Variants in ACSS3 observed in about 807,000 individuals in gnomAD.
The protein encoded by ACSS3 is acyl-CoA synthetase short-chain family member 3, mitochondrial.
ACSS3 carries 64 observed loss-of-function variants against 84.2 expected under a neutral mutation model. The ratio of observed to expected loss-of-function variants is 0.76; its 90% confidence interval spans 0.62 to 0.94. ACSS3 has a LOEUF of 0.94. ACSS3 is among the 40% of genes least tolerant of loss of function. The pLI, the probability that ACSS3 is intolerant of heterozygous loss-of-function variation, is 0.00. For synonymous variants in ACSS3, 317 were observed against 310.1 expected (o/e 1.02, Z -0.23); for missense variants, 815 against 867.6 (o/e 0.94, Z 0.76).
At chr12:81,213,793 T>TTTCTTTTCTCTTCTCTTCTC (rs2032734620) in intron 9 of ACSS3, among the ~76,000 whole-genome samples, 1 of 30,860 alleles carries the variant, frequency 3.2e-5, no homozygotes, top group Non-Finnish European at 6.9e-5. Flanking sequence ...TCTCTTCTCT[T>TTTCTTTTCTCTTCTCTTCTC]TTCTCTTCTC....
chr12:81,109,061 A>T (rs1341513966), intron 1 of ACSS3, among the ~76,000 whole-genome samples: 1 of 152,206 alleles, frequency 6.6e-6, no homozygotes, highest in Non-Finnish European at 1.5e-5. Flanking sequence ...ATTCTTTGTG[A>T]AATTGTAGGC....
intron 1 of ACSS3, among the ~76,000 whole-genome samples, chr12:81,098,358 GT>G (rs1196822710): frequency 6.6e-6 from 1 of 152,068 alleles, no homozygotes; most frequent in African/African-American, 2.4e-5. Flanking sequence ...ATTTATTTCA[GT>G]GTTTACTATT....
At chr12:81,212,716 C>T (rs1032619615) in intron 9 of ACSS3, among the ~76,000 whole-genome samples, 2 of 152,116 alleles carry the variant, frequency 1.3e-5, no homozygotes, top group African/African-American at 4.8e-5. Flanking sequence ...ATCTAGTTGT[C>T]TTCCCTGTTT....
At position 81,159,435 on chromosome 12, in the gene ACSS3, G is replaced by A. The variant is rs116929146; in HGVS notation, c.1098+7339G>A. On this transcript the variant is annotated intron_variant, in intron 7 of 15. Coordinates refer to ENST00000548058, the MANE Select transcript of ACSS3 (RefSeq NM_024560.4). The stretch of plus-strand genomic sequence containing the variant: ...GAGATTTACTTTTATCAATGGAATT[G>A]GACATATTTAAATACAAAACACCTG... Among the ~76,000 whole-genome samples the A allele has an allele frequency of 1.4e-3, 217 of 152,218 alleles. 4 individuals are homozygous for A. In the East Asian group the frequency reaches 0.032, roughly 23 times the overall value.
At chr12:81,190,238 A>T (rs990351601) in intron 8 of ACSS3, among the ~76,000 whole-genome samples, 2 of 152,142 alleles carry the variant, frequency 1.3e-5, no homozygotes, top group African/African-American at 4.8e-5. Context: ...CATTGAGTTT[A>T]CAGATTGATA....
chr12:81,184,473 A>T (rs1038513148), intron 8 of ACSS3, among the ~76,000 whole-genome samples: 3 of 151,908 alleles, frequency 2.0e-5, no homozygotes. Flanking sequence ...CAGAAAAACC[A>T]TAAAAATAAT....
At position 81,254,168 on chromosome 12, in the gene ACSS3, G is replaced by A. The variant is rs370510862; in HGVS notation, c.1995+498G>A. 3.3e-5 allele frequency among the ~76,000 whole-genome samples: 5 copies of A among 152,210 alleles called. No individual in the cohort carries two copies. The East Asian group carries it at 5.8e-4, about 18-fold the overall frequency. The stretch of plus-strand genomic sequence containing the variant: ...TGGTCTTGAATTCCTGGGCTCAAGC[G>A]ATTTGATTGCCTCAACCTCCCAAAG... On this transcript the variant is annotated intron_variant, in intron 15 of 15. Coordinates refer to ENST00000548058, the MANE Select transcript of ACSS3 (RefSeq NM_024560.4).
intron 13 of ACSS3, among the ~76,000 whole-genome samples, chr12:81,234,177 T>C (rs1163366707): frequency 6.6e-6 from 1 of 151,544 alleles, no homozygotes; most frequent in East Asian, 1.9e-4. Flanking sequence ...GGTTATTTCA[T>C]TTAGGAAAAT....
At chr12:81,159,302 T>C (rs754164353) in intron 7 of ACSS3, among the ~76,000 whole-genome samples, 121 of 152,202 alleles carry the variant, frequency 7.9e-4, no homozygotes, top group Non-Finnish European at 1.2e-3. Flanking sequence ...TATAAGCTCC[T>C]ATCTCAAGAA....
At chr12:81,150,333 T>G (rs1886547135) in intron 5 of ACSS3, among the ~76,000 whole-genome samples, 1 of 152,246 alleles carries the variant, frequency 6.6e-6, no homozygotes, top group African/African-American at 2.4e-5. Context: ...CTACAAAAGC[T>G]ACTTTTTCTA....
chr12:81,212,042 C>T (rs2032613529), intron 9 of ACSS3, among the ~76,000 whole-genome samples: 2 of 152,168 alleles, frequency 1.3e-5, no homozygotes, highest in South Asian at 4.1e-4. Flanking sequence ...TCTCTTCTTT[C>T]AGATGTTTAC....
chr12:81,217,012 GAT>G lies in ACSS3; in HGVS notation c.1450+18_1450+19del. The G allele has an allele frequency of 1.9e-6, 3 of 1,589,418 alleles. No homozygotes were observed. The highest frequency in any genetic ancestry group is 8.6e-7 in the Non-Finnish European group (1 of 1,159,270). ...GGATACAATGGTAAGGAATGACCCT[GAT>G]AATACGTAAAGTTAATAAATTTGGC... is the stretch of plus-strand genomic sequence containing the variant. On this transcript the variant is annotated intron_variant, in intron 10 of 15. Coordinates refer to ENST00000548058, the MANE Select transcript of ACSS3 (RefSeq NM_024560.4).
At chr12:81,225,723 A>G (rs2033252486) in intron 11 of ACSS3, among the ~76,000 whole-genome samples, 1 of 151,944 alleles carries the variant, frequency 6.6e-6, no homozygotes, top group Non-Finnish European at 1.5e-5. Flanking sequence ...ACAAAGTGCT[A>G]GGATCTCCAC....
At chr12:81,202,780 A>G (rs2032168172) in intron 9 of ACSS3, among the ~76,000 whole-genome samples, 1 of 152,210 alleles carries the variant, frequency 6.6e-6, no homozygotes, top group African/African-American at 2.4e-5. Context: ...AGTAAGGGAT[A>G]TGTTAAGTAA....
intron 1 of ACSS3, among the ~76,000 whole-genome samples, chr12:81,082,840 G>A (rs1234448002): frequency 6.6e-6 from 1 of 152,118 alleles, no homozygotes. Flanking sequence ...AATCATGACG[G>A]TATCTATTTC....
intron 10 of ACSS3, among the ~76,000 whole-genome samples, chr12:81,218,283 A>G (rs913150343): frequency 6.6e-6 from 1 of 152,206 alleles, no homozygotes; most frequent in Non-Finnish European, 1.5e-5. Context: ...AGGTTTTGTA[A>G]TTTGCTTAAG....
intron 13 of ACSS3, among the ~76,000 whole-genome samples, chr12:81,244,865 T>C (rs1023257333): frequency 6.6e-6 from 1 of 152,130 alleles, no homozygotes; most frequent in African/African-American, 2.4e-5. Flanking sequence ...ATTCCTGTCA[T>C]ATGAAACTCT....
chr12:81,104,850 A>G (rs1414498174), intron 1 of ACSS3: 1 of 152,148 alleles, frequency 6.6e-6, no homozygotes, highest in African/African-American at 2.4e-5. Flanking sequence ...GATTTAAATC[A>G]GATTATTATT....
chr12:81,127,702 G>T (rs1251741265), intron 2 of ACSS3, among the ~76,000 whole-genome samples: 1 of 152,084 alleles, frequency 6.6e-6, no homozygotes, highest in African/African-American at 2.4e-5. Flanking sequence ...TTCCCTGTCT[G>T]CTTTTTCATA....
Sources: gnomAD v4.1 joint callset for allele counts (sites outside exome capture counted in the v4.1 genomes callset) on GRCh38, gnomAD v4.1.1 for gene constraint, MANE v1.5 for transcripts, NCBI Gene and HGNC (gene_info 2026-07-23, HGNC 2026-07-21) for gene names.